Variants in EPS15L1 observed in about 807,000 individuals in gnomAD.
EPS15L1 encodes epidermal growth factor receptor pathway substrate 15 like 1.
A neutral mutation model predicts 117.1 loss-of-function variants in EPS15L1; 43 were observed. The ratio of observed to expected loss-of-function variants is 0.37; its 90% CI spans 0.29 to 0.47. EPS15L1 has a LOEUF of 0.47. Ranked by LOEUF, EPS15L1 falls within the 20% of genes least tolerant of loss-of-function variation. EPS15L1 has a pLI of 0.99. For synonymous variants in EPS15L1, 459 were observed against 470.5 expected (o/e 0.98, Z 0.32); for missense variants, 981 against 1,164.0 (o/e 0.84, Z 2.29).
At position 16,381,727 on chromosome 19, in the gene EPS15L1, G is replaced by T. The variant is rs572102312; in HGVS notation, c.2247+3402C>A. On this transcript the variant is annotated intron_variant, in intron 21 of 23. Coordinates refer to ENST00000455140, the MANE Select transcript of EPS15L1 (RefSeq NM_001258374.3). The surrounding 1 kb of genome is among the most constrained non-coding windows in gnomAD (Gnocchi z 4.2). ...GGCCTGCAGCTTAGCTTTAAAATGG[G>T]CCGTTTAGGGTCGGCTGTTTGGGAA... Among the ~76,000 whole-genome samples, 37 of 152,182 alleles carry T rather than the reference G, an allele frequency of 2.4e-4. No homozygotes were observed. Among genetic ancestry groups the T allele is most frequent in the Non-Finnish European group, 4.0e-4 (27 of 68,036 alleles).
chr19:16,394,334 C>G (rs1340462215), intron 17 of EPS15L1, among the ~76,000 whole-genome samples: 1 of 136,682 alleles, frequency 7.3e-6, no homozygotes, highest in Non-Finnish European at 1.7e-5. Context: ...TTTATCCCAT[C>G]TGCCTGCCAG....
intron 19 of EPS15L1, among the ~76,000 whole-genome samples, chr19:16,386,859 G>A (rs1337430878): frequency 6.6e-6 from 1 of 152,220 alleles, no homozygotes; most frequent in African/African-American, 2.4e-5. Flanking sequence ...AGTGTGAGTG[G>A]CACCAAGTTA....
At chr19:16,363,938 G>A (rs2092096665) in intron 22 of EPS15L1, among the ~76,000 whole-genome samples, 1 of 152,218 alleles carries the variant, frequency 6.6e-6, no homozygotes, top group South Asian at 2.1e-4. Context: ...AAACTCCCCT[G>A]CAGCCCACCC....
chr19:16,453,645 G>A (rs1030656411), intron 1 of EPS15L1, among the ~76,000 whole-genome samples: 2 of 151,908 alleles, frequency 1.3e-5, no homozygotes, highest in Admixed American at 6.6e-5. Flanking sequence ...CCCGGGAGGC[G>A]GATCTTGCAG....
chr19:16,451,557 T>C (rs139059833), intron 1 of EPS15L1, among the ~76,000 whole-genome samples: 25,522 of 150,436 alleles, frequency 0.17, 2,246 homozygotes, highest in African/African-American at 0.2. Context: ...GAGATGGAGT[T>C]TTGCTCTGTC....
chr19:16,460,934 T>C (rs569256775), intron 1 of EPS15L1, among the ~76,000 whole-genome samples: 14 of 152,260 alleles, frequency 9.2e-5, no homozygotes, highest in African/African-American at 3.1e-4. Context: ...CTTTCCCCTT[T>C]GGAGAGTGTG....
At chr19:16,421,139 C>T (rs531087583) in intron 10 of EPS15L1, among the ~76,000 whole-genome samples, 180 bp downstream of exon 10, 3 of 152,364 alleles carry the variant, frequency 2.0e-5, no homozygotes, top group East Asian at 1.9e-4. Flanking sequence ...GCGCGGGCTT[C>T]GAGCCTTGGC....
intron 6 of EPS15L1, chr19:16,436,446 A>C (rs1223277100): frequency 6.5e-6 from 1 of 152,816 alleles, no homozygotes; most frequent in East Asian, 1.9e-4. Context: ...ATAACACTTC[A>C]AGTGCTGAGA....
chr19:16,428,511 GAGAA>G (rs373160332), intron 8 of EPS15L1, among the ~76,000 whole-genome samples, 187 bp downstream of exon 8: 49 of 95,482 alleles, frequency 5.1e-4, no homozygotes, highest in East Asian at 9.1e-4. Context: ...GAGAGAGAGA[GAGAA>G]AGAAAGTGAA....
chr19:16,402,625 T>C, intron 15 of EPS15L1, 140 bp from the exon 16 acceptor site: 1 of 764,120 alleles, frequency 1.3e-6, no homozygotes, highest in Non-Finnish European at 1.9e-6. Flanking sequence ...CACTGTAGCC[T>C]TGAGCTCCTG....
At chr19:16,414,699 T>G (rs181215855) in intron 12 of EPS15L1, among the ~76,000 whole-genome samples, 2 of 149,454 alleles carry the variant, frequency 1.3e-5, no homozygotes, top group Admixed American at 1.4e-4. Context: ...ACGCCTGGCC[T>G]TTTTTTGGTT....
intron 1 of EPS15L1, among the ~76,000 whole-genome samples, chr19:16,466,202 G>C (rs957140683): frequency 6.6e-6 from 1 of 152,042 alleles, no homozygotes; most frequent in African/African-American, 2.4e-5. Context: ...TGGCCAGGCT[G>C]GTCTTGAACT....
chr19:16,413,282 C>T (rs760611261), intron 13 of EPS15L1: 55 of 656,236 alleles, frequency 8.4e-5, no homozygotes, highest in Non-Finnish European at 1.4e-4. Flanking sequence ...TGTAACTCAT[C>T]CCCACGCCCA....
intron 16 of EPS15L1, chr19:16,401,528 C>T (rs955144645): frequency 9.1e-6 from 9 of 985,598 alleles, no homozygotes; most frequent in Admixed American, 6.1e-5. Context: ...TCCAGACATG[C>T]GCGGCCCGGC....
At chr19:16,448,042 C>T (rs2093101261) in intron 1 of EPS15L1, among the ~76,000 whole-genome samples, 1 of 152,166 alleles carries the variant, frequency 6.6e-6, no homozygotes, top group Non-Finnish European at 1.5e-5. Context: ...CAATCGGCAT[C>T]CATAGGAAAA....
chr19:16,417,303 A>G, intron 12 of EPS15L1: 1 of 470,262 alleles, frequency 2.1e-6, no homozygotes, highest in Non-Finnish European at 3.9e-6. Flanking sequence ...TGCCACCCAC[A>G]GGCTCTGGTC....
In EPS15L1 at chr19:16,417,754, T is replaced by C. The variant is rs566709335; in HGVS notation, c.1108-117A>G. The C allele has an allele frequency of 3.5e-6, 4 of 1,147,376 alleles. No individual in the cohort carries two copies. The African/African-American group carries it at 4.6e-5, about 13-fold the overall frequency. The allele number at this position is 1,147,376 out of a possible 1,614,324, so 71.1% of individuals were successfully genotyped here. On this transcript the variant is annotated intron_variant, in intron 11 of 23. Transcript: ENST00000455140. The stretch of plus-strand genomic sequence containing the variant: ...TGTCCCTTTAGTACACAGGGTGAGG[T>C]AGCAAAAGTGTCAGCCCCCTGCCTG...
chr19:16,445,629 G>T lies in EPS15L1; in HGVS notation c.34-3410C>A, dbSNP rs117061321. ...ATAAATCCCCAGCCCCAGGCAGTCT[G>T]TCACTGGCCCCTGTGCAGAGACCTC... On this transcript the variant is annotated intron_variant, in intron 1 of 23. Transcript: ENST00000455140. 9.2e-3 allele frequency among the ~76,000 whole-genome samples: 1,398 copies of T among 152,318 alleles called. 18 individuals carry two copies. The highest frequency in any genetic ancestry group is 0.017 in the Non-Finnish European group (1,138 of 68,022).
chr19:16,421,822 C>G (rs1002073342), intron 9 of EPS15L1, among the ~76,000 whole-genome samples: 1 of 152,140 alleles, frequency 6.6e-6, no homozygotes, highest in Admixed American at 6.5e-5. Flanking sequence ...CCCTCCCGAG[C>G]ACCCACTTGG....
Sources: allele counts gnomAD v4.1 joint callset (sites outside exome capture counted in the v4.1 genomes callset), GRCh38; gene constraint gnomAD v4.1.1; non-coding constraint Gnocchi (gnomAD v3.1); transcripts MANE v1.5; gene names NCBI Gene and HGNC (gene_info 2026-07-23, HGNC 2026-07-21).